Variants in AFAP1 observed in about 807,000 individuals in gnomAD.
AFAP1 encodes actin filament associated protein 1.
In AFAP1, 75 loss-of-function variants were observed where a neutral mutation model predicts 93.9. That is an observed-to-expected ratio of 0.80 (90% CI 0.66 to 0.97). The LOEUF is 0.97. AFAP1 is among the 50% of genes least tolerant of loss of function. AFAP1 has a pLI of 0.00. For synonymous variants in AFAP1, 517 were observed against 430.7 expected, an observed-to-expected ratio of 1.20 and a Z score of -2.48; for missense variants, 1,201 against 1,050.8, an observed-to-expected ratio of 1.14 and a Z score of -1.98.
chr4:7,844,064 T>C (rs1437835513), intron 4 of AFAP1, among the ~76,000 whole-genome samples: 1 of 152,112 alleles, frequency 6.6e-6, no homozygotes, highest in East Asian at 1.9e-4. Context: ...GTAAATGCTC[T>C]CATCTTTTGG....
intron 3 of AFAP1, among the ~76,000 whole-genome samples, chr4:7,856,907 T>C (rs1340275571): frequency 6.6e-6 from 1 of 152,238 alleles, no homozygotes; most frequent in African/African-American, 2.4e-5. Flanking sequence ...GCAGGAATCC[T>C]TCAGGGCATG....
intron 1 of AFAP1, among the ~76,000 whole-genome samples, chr4:7,905,636 G>A (rs1323489155): frequency 6.6e-6 from 1 of 152,058 alleles, no homozygotes; most frequent in African/African-American, 2.4e-5. Context: ...GGCTCTGTTG[G>A]CCTTTCTCTC....
At chr4:7,821,770 C>T (rs962708563) in intron 6 of AFAP1, among the ~76,000 whole-genome samples, 3 of 152,214 alleles carry the variant, frequency 2.0e-5, no homozygotes, top group Middle Eastern at 3.2e-3. Flanking sequence ...ATTCCCTCAG[C>T]TTGTGCTGGT....
Position 7,868,676 on chromosome 4 carries a change from G to T in AFAP1, c.171C>A (p.Asn57Lys). 6.2e-7 allele frequency: 1 copy of T among 1,613,534 alleles called. No homozygotes were observed. The change falls in exon 3 of 18, where the codon AAC (asparagine) becomes AAA (lysine). Residue 57 changes from asparagine to lysine, a missense_variant. Transcript: ENST00000420658. ...KDHAQKQETA[N>K]SLPAPPQMPL... Reference sequence around the variant, plus strand: ...GCATCTGAGGAGGGGCTGGCAGGCTGTTAGCGGTCTCCTGCTTCTGAGCAT... The same window carrying T: ...GCATCTGAGGAGGGGCTGGCAGGCTTTTAGCGGTCTCCTGCTTCTGAGCAT...
intron 8 of AFAP1, among the ~76,000 whole-genome samples, chr4:7,814,592 A>G (rs1720312331): frequency 1.3e-5 from 2 of 152,214 alleles, no homozygotes; most frequent in Non-Finnish European, 2.9e-5. Flanking sequence ...AGCAGCAAAG[A>G]ACCAACTAGT....
intron 6 of AFAP1, among the ~76,000 whole-genome samples, chr4:7,834,410 T>C (rs1712027958): frequency 1.3e-5 from 2 of 152,188 alleles, no homozygotes; most frequent in African/African-American, 4.8e-5. Flanking sequence ...GGGTGCAGTG[T>C]ATACTGCTTC....
chr4:7,853,250 T>C (rs551401824), intron 4 of AFAP1, among the ~76,000 whole-genome samples: 55 of 143,986 alleles, frequency 3.8e-4, no homozygotes, highest in Non-Finnish European at 7.1e-4. Flanking sequence ...GGGTGCCAAG[T>C]TGACCAAAGA....
intron 10 of AFAP1, chr4:7,799,051 C>T: frequency 2.0e-6 from 2 of 986,038 alleles, no homozygotes; most frequent in Non-Finnish European, 2.4e-6. Context: ...CAGTTTTCAG[C>T]CTACATAAAT....
chr4:7,808,669 G>A (rs1719744996), intron 9 of AFAP1, among the ~76,000 whole-genome samples: 1 of 152,216 alleles, frequency 6.6e-6, no homozygotes, highest in Non-Finnish European at 1.5e-5. Context: ...ATGTTGAAAT[G>A]TGATCCCCAG....
intron 12 of AFAP1, among the ~76,000 whole-genome samples, chr4:7,784,843 T>G (rs1023183585): frequency 6.6e-6 from 1 of 152,186 alleles, no homozygotes; most frequent in Non-Finnish European, 1.5e-5. Flanking sequence ...TCTTGGTTCC[T>G]GCTGTGGGGC....
intron 10 of AFAP1, among the ~76,000 whole-genome samples, chr4:7,795,324 T>G (rs1390010666): frequency 6.7e-6 from 1 of 150,182 alleles, no homozygotes; most frequent in Admixed American, 6.6e-5. Flanking sequence ...TAAAATGAAC[T>G]GATTTGAATA....
intron 8 of AFAP1, among the ~76,000 whole-genome samples, chr4:7,815,697 A>C (rs1233655308): frequency 1.3e-5 from 2 of 152,186 alleles, no homozygotes. Context: ...CACCAATGCA[A>C]ATTTGTCTCA....
At chr4:7,929,603 G>A (rs1419117582) in intron 1 of AFAP1, among the ~76,000 whole-genome samples, 2 of 152,228 alleles carry the variant, frequency 1.3e-5, no homozygotes, top group Non-Finnish European at 1.5e-5. Flanking sequence ...TGCTCCCTCT[G>A]CACTCCCACG....
Position 7,856,442 on chromosome 4 carries a change from C to T in AFAP1, c.226-868G>A, listed in dbSNP as rs765366117. Among the ~76,000 whole-genome samples the T allele has an allele frequency of 5.7e-4, 87 of 152,216 alleles. 1 individual carries two copies. The highest frequency in any genetic ancestry group is 8.2e-4 in the Non-Finnish European group (56 of 68,010). On this transcript the variant is annotated intron_variant, in intron 3 of 17. Coordinates refer to ENST00000420658, the MANE Select transcript of AFAP1 (RefSeq NM_001134647.2). ...ATTTTTAGTAGAGACAGGGTTTCAC[C>T]GTTTAGCCAGGATGGTCTCGAACTC...
chr4:7,840,778 T>C (rs911112611), intron 5 of AFAP1, among the ~76,000 whole-genome samples: 3 of 152,182 alleles, frequency 2.0e-5, no homozygotes, highest in African/African-American at 7.2e-5. Flanking sequence ...TGAGTATGTA[T>C]AAAAAGAAAG....
In AFAP1 at chr4:7,767,979, G is replaced by A. The variant is rs1413053369; in HGVS notation, c.2418+865C>T. Among the ~76,000 whole-genome samples, 4 of 152,252 alleles carry A rather than the reference G, an allele frequency of 2.6e-5. No individual in the cohort carries two copies. The East Asian group carries it at 5.8e-4, about 22-fold the overall frequency. On this transcript the variant is annotated intron_variant, in intron 17 of 17. Coordinates refer to ENST00000420658, the MANE Select transcript of AFAP1 (RefSeq NM_001134647.2). ...CAGTCCCAGCTACTTGGGAGGCTGA[G>A]GTGGGAGGATCACCTGAGCCCAGGA...
intron 4 of AFAP1, among the ~76,000 whole-genome samples, chr4:7,849,533 A>T (rs1714192580): frequency 1.3e-5 from 2 of 152,198 alleles, no homozygotes; most frequent in African/African-American, 4.8e-5. Flanking sequence ...GAAAGAGATG[A>T]CAAACGGCCT....
At chr4:7,810,897 G>A (rs548855725) in intron 8 of AFAP1, among the ~76,000 whole-genome samples, 14 of 152,324 alleles carry the variant, frequency 9.2e-5, no homozygotes, top group South Asian at 4.1e-4. Flanking sequence ...GCCCCATCCC[G>A]TCACTGGCAC....
At position 7,781,568 on chromosome 4, in the gene AFAP1, A is replaced by G; in HGVS notation, c.1590T>C (p.Leu530=). 6.4e-7 allele frequency: 1 copy of G among 1,551,900 alleles called. No homozygotes were observed. Among genetic ancestry groups the G allele is most frequent in the Non-Finnish European group, 8.7e-7 (1 of 1,147,016 alleles). ...SCSRGLGEEV[L]YDNAGLYDNL... ...TATCGTACAGGCCTGCGTTATCATA[A>G]AGCACCTCTTCTCCCAAGCCTCTGC... The change falls in exon 13 of 18, where the codon CTT becomes CTC. Residue 530 remains leucine (L), a synonymous_variant. Transcript: ENST00000420658.
Sources: allele counts gnomAD v4.1 joint callset (sites outside exome capture counted in the v4.1 genomes callset), GRCh38; gene constraint gnomAD v4.1.1; transcripts MANE v1.5; gene names NCBI Gene and HGNC (gene_info 2026-07-23, HGNC 2026-07-21).